PTPRT: variants seen among roughly 807,000 people sequenced by gnomAD.
The protein encoded by PTPRT is protein tyrosine phosphatase receptor type T, also known as receptor-type tyrosine-protein phosphatase T.
Under a neutral mutation model 176.8 loss-of-function variants are expected in PTPRT, and 56 were observed. The ratio of observed to expected loss-of-function variants is 0.32; its 90% CI spans 0.26 to 0.40. The LOEUF (loss-of-function observed/expected upper bound fraction) is 0.40, where lower values mean the gene tolerates loss of function less well. Among genes scored for constraint, PTPRT ranks in the 10% least tolerant of loss-of-function variants. The probability of loss-of-function intolerance (pLI) is 1.00; values close to 1 mark genes in which losing one functional copy is unlikely to be tolerated. For missense variants in PTPRT, 1,540 were observed against 1,908.2 expected, an observed-to-expected ratio of 0.81 and a Z score of 3.60; for synonymous variants, 783 against 739.0, an observed-to-expected ratio of 1.06 and a Z score of -0.96.
chr20:42,521,088 G>A (rs1295269619), intron 7 of PTPRT, among the ~76,000 whole-genome samples: 1 of 151,580 alleles, frequency 6.6e-6, no homozygotes, highest in Non-Finnish European at 1.5e-5. Flanking sequence ...CTCTCTATGT[G>A]TATCTACCTA....
chr20:42,740,759 G>A (rs1052003784), intron 6 of PTPRT, among the ~76,000 whole-genome samples: 3 of 152,192 alleles, frequency 2.0e-5, no homozygotes, highest in African/African-American at 2.4e-5. Context: ...CTGTCAGACT[G>A]CTCTAAGAGC....
intron 1 of PTPRT, chr20:42,969,807 C>T (rs905550897): frequency 3.3e-5 from 5 of 152,100 alleles, no homozygotes; most frequent in Non-Finnish European, 7.3e-5. Context: ...AGGGTGCTAC[C>T]ACAGCCTCTG....
intron 1 of PTPRT, among the ~76,000 whole-genome samples, chr20:42,971,722 C>T (rs941915636): frequency 1.2e-4 from 19 of 152,336 alleles, no homozygotes; most frequent in African/African-American, 4.3e-4. Context: ...CTCCGTTGCA[C>T]AGGATCGCCA....
chr20:42,274,430 C>T (rs764247724), intron 13 of PTPRT, among the ~76,000 whole-genome samples: 7 of 152,132 alleles, frequency 4.6e-5, no homozygotes, highest in Admixed American at 1.3e-4. Context: ...AATCCAGTTG[C>T]TGAGGTAGAG....
At chr20:43,074,822 A>G (rs1436722049) in intron 1 of PTPRT, among the ~76,000 whole-genome samples, 1 of 152,212 alleles carries the variant, frequency 6.6e-6, no homozygotes, top group African/African-American at 2.4e-5. Context: ...CAATGTTAAG[A>G]CCACTAGAAA....
At chr20:42,562,562 C>G (rs2072969893) in intron 7 of PTPRT, among the ~76,000 whole-genome samples, 1 of 152,208 alleles carries the variant, frequency 6.6e-6, no homozygotes, top group Non-Finnish European at 1.5e-5. Context: ...CTATTACCAA[C>G]ATTCTTATGT....
intron 1 of PTPRT, among the ~76,000 whole-genome samples, chr20:42,919,592 G>T (rs561959278): frequency 6.6e-6 from 1 of 152,324 alleles, no homozygotes; most frequent in East Asian, 1.9e-4. Flanking sequence ...TTGCAGCACA[G>T]ACTATGTGCC....
chr20:42,507,914 A>C (rs1285060640), intron 7 of PTPRT, among the ~76,000 whole-genome samples: 3 of 151,740 alleles, frequency 2.0e-5, no homozygotes, highest in Non-Finnish European at 2.9e-5. Context: ...GAGAAAGTTC[A>C]CAAAGGGGTC....
At chr20:42,239,936 T>C (rs949187235) in intron 14 of PTPRT, among the ~76,000 whole-genome samples, 3 of 152,202 alleles carry the variant, frequency 2.0e-5, no homozygotes, top group African/African-American at 7.2e-5. Flanking sequence ...AAAGGCTTTG[T>C]GTATCTTTGG....
At chr20:42,372,382 C>T (rs926383953) in intron 9 of PTPRT, among the ~76,000 whole-genome samples, 8 of 144,354 alleles carry the variant, frequency 5.5e-5, no homozygotes, top group Non-Finnish European at 1.2e-4. Context: ...CTCCTGGGTT[C>T]AAGCGATTCT....
At chr20:42,470,764 C>T (rs2071179444) in intron 8 of PTPRT, among the ~76,000 whole-genome samples, 1 of 151,890 alleles carries the variant, frequency 6.6e-6, no homozygotes, top group Non-Finnish European at 1.5e-5. Flanking sequence ...TCCTTGCAAA[C>T]ATGGAGGACA....
At position 42,410,958 on chromosome 20, in the gene PTPRT, A is replaced by G. The variant is rs7263827; in HGVS notation, c.1560+37262T>C. Among the ~76,000 whole-genome samples the G allele has an allele frequency of 4.2e-3, 641 of 152,308 alleles. 5 individuals carry two copies. The highest frequency in any genetic ancestry group is 0.015 in the African/African-American group (618 of 41,564). On this transcript the variant is annotated intron_variant, in intron 9 of 30. Coordinates refer to ENST00000373187, the MANE Select transcript of PTPRT (RefSeq NM_007050.6). Reference sequence around the variant, plus strand: ...TTAGAGGTAAATTTATGGCAGTAAAATACTTATATTAGAAAACAGAAAAGT... The same window carrying G: ...TTAGAGGTAAATTTATGGCAGTAAAGTACTTATATTAGAAAACAGAAAAGT...
the PTPRT span, among the ~76,000 whole-genome samples, chr20:42,040,059 G>A: frequency 6.6e-6 from 1 of 152,046 alleles, no homozygotes; most frequent in Non-Finnish European, 1.5e-5. Context: ...CACCAACAGT[G>A]TGCAAAAGTT....
chr20:42,951,735 G>A (rs1981264153), intron 1 of PTPRT, among the ~76,000 whole-genome samples: 1 of 152,176 alleles, frequency 6.6e-6, no homozygotes, highest in South Asian at 2.1e-4. Flanking sequence ...GATACACGGA[G>A]GCAGAAATAG....
intron 7 of PTPRT, among the ~76,000 whole-genome samples, chr20:42,611,906 A>G (rs958739324): frequency 1.3e-5 from 2 of 152,184 alleles, no homozygotes; most frequent in Non-Finnish European, 2.9e-5. Flanking sequence ...TGCCTGGTCC[A>G]TCAATGGCTT....
At chr20:42,214,716 C>A (rs1037916004) in intron 15 of PTPRT, among the ~76,000 whole-genome samples, 9 of 152,336 alleles carry the variant, frequency 5.9e-5, no homozygotes, top group Non-Finnish European at 7.3e-5. Context: ...ATAGTCAGAC[C>A]CTGTTGGACC....
intron 7 of PTPRT, among the ~76,000 whole-genome samples, chr20:42,501,865 A>AT (rs140143309): frequency 0.023 from 3,463 of 151,846 alleles, 70 homozygotes; most frequent in African/African-American, 0.054. Flanking sequence ...ATATGCCTTC[A>AT]TTTTTTTTGT....
At chr20:42,185,733 T>G (rs1384278219) in intron 16 of PTPRT, among the ~76,000 whole-genome samples, 6 of 152,240 alleles carry the variant, frequency 3.9e-5, no homozygotes, top group African/African-American at 1.4e-4. Context: ...ACCTAAGTCT[T>G]GTCTGTTTAT....
At chr20:42,144,413 A>G (rs1370424980) in intron 17 of PTPRT, among the ~76,000 whole-genome samples, 2 of 152,176 alleles carry the variant, frequency 1.3e-5, no homozygotes, top group African/African-American at 4.8e-5. Flanking sequence ...CTGATGTTGA[A>G]TAGGAAGTTG....
Sources: gnomAD v4.1 joint callset for allele counts (sites outside exome capture counted in the v4.1 genomes callset) on GRCh38, gnomAD v4.1.1 for gene constraint, MANE v1.5 for transcripts, NCBI Gene and HGNC (gene_info 2026-07-23, HGNC 2026-07-21) for gene names.